WWP1: variants seen among roughly 807,000 people sequenced by gnomAD.
WWP1 encodes NEDD4-like E3 ubiquitin-protein ligase WWP1.
A neutral mutation model predicts 130.6 loss-of-function variants in WWP1; 49 were observed. The observed-to-expected ratio is 0.38, with a 90% CI of 0.30 to 0.48. WWP1 has a LOEUF of 0.48. Ranked by LOEUF, WWP1 falls within the 20% of genes least tolerant of loss-of-function variation. The pLI, the probability that WWP1 is intolerant of heterozygous loss-of-function variation, is 0.99. For missense variants in WWP1, 809 were observed against 1,100.6 expected (o/e 0.74, Z 3.75); for synonymous variants, 332 against 367.8 (o/e 0.90, Z 1.11).
chr8:86,452,251 A>G (rs1414007781), intron 20 of WWP1, among the ~76,000 whole-genome samples: 1 of 152,180 alleles, frequency 6.6e-6, no homozygotes, highest in Non-Finnish European at 1.5e-5. Context: ...AATTAGTGCT[A>G]GGATTTGGCT....
rs777490968 is a variant in WWP1, at chr8:86,435,614, ATAT to A, written c.1678-14_1678-12del. ...ATACTATAACTCAGATGATATTATG[ATAT>A]TATTTTTGTTTTTAGTCTAATGCAC... is the stretch of plus-strand genomic sequence containing the variant. On this transcript the variant is annotated splice_polypyrimidine_tract_variant and intron_variant, in intron 15 of 24. Coordinates refer to ENST00000517970, the MANE Select transcript of WWP1 (RefSeq NM_007013.4). 2 of 1,612,430 alleles carry A rather than the reference ATAT, an allele frequency of 1.2e-6. No homozygotes were observed. Among genetic ancestry groups the A allele is most frequent in the Admixed American group, 3.3e-5 (2 of 59,952 alleles).
At chr8:86,427,043 A>G (rs1451551908) in intron 10 of WWP1, among the ~76,000 whole-genome samples, 2 of 152,036 alleles carry the variant, frequency 1.3e-5, no homozygotes, top group Non-Finnish European at 2.9e-5. Flanking sequence ...TGCGCCTGTA[A>G]TCCCAGCTAC....
intron 5 of WWP1, among the ~76,000 whole-genome samples, chr8:86,390,172 G>T (rs901536606): frequency 1.3e-5 from 2 of 151,964 alleles, no homozygotes; most frequent in South Asian, 4.2e-4. Flanking sequence ...CTTCCTAGAC[G>T]GGATGGCGGC....
intron 9 of WWP1, among the ~76,000 whole-genome samples, chr8:86,414,510 C>T (rs1476581833): frequency 6.6e-6 from 1 of 152,168 alleles, no homozygotes; most frequent in Non-Finnish European, 1.5e-5. Flanking sequence ...ATACACAGCA[C>T]CAGGCTGTGT....
chr8:86,445,949 GTCTTT>G (rs1191146847), intron 18 of WWP1, among the ~76,000 whole-genome samples: 5,464 of 108,242 alleles, frequency 0.05, 231 homozygotes, highest in Non-Finnish European at 0.081. Flanking sequence ...CTGCTTATAT[GTCTTT>G]TCTTTTCTTT....
At chr8:86,390,697 G>A (rs1447482997) in intron 5 of WWP1, among the ~76,000 whole-genome samples, 1 of 150,208 alleles carries the variant, frequency 6.7e-6, no homozygotes, top group Admixed American at 6.6e-5. Flanking sequence ...AGTGGGAGAC[G>A]AGAGGGAGAC....
At position 86,416,758 on chromosome 8, in the gene WWP1, G is replaced by A. The variant is rs116005312; in HGVS notation, c.1061+4884G>A. Among the ~76,000 whole-genome samples, 1,504 of 152,164 alleles carry A rather than the reference G, an allele frequency of 9.9e-3. 28 individuals carry two copies. The highest frequency in any genetic ancestry group is 0.035 in the African/African-American group (1,434 of 41,504). On this transcript the variant is annotated intron_variant, in intron 9 of 24. Transcript: ENST00000517970. ...AGAATTCTCATTAATCAGTAATTTG[G>A]TAATTTGCACCTAGTTGAGGGGTGT...
At chr8:86,419,198 T>A (rs1809058529) in intron 9 of WWP1, among the ~76,000 whole-genome samples, 1 of 152,160 alleles carries the variant, frequency 6.6e-6, no homozygotes, top group Admixed American at 6.5e-5. Flanking sequence ...GGCACGCAGA[T>A]CACTTGGTCA....
chr8:86,458,508 G>A (rs769502810), intron 22 of WWP1, among the ~76,000 whole-genome samples: 40 of 152,068 alleles, frequency 2.6e-4, no homozygotes, highest in South Asian at 4.2e-4. Flanking sequence ...ACTATAATAG[G>A]ATGGTCTCAG....
intron 11 of WWP1, among the ~76,000 whole-genome samples, chr8:86,429,037 CAG>C (rs1306322013): frequency 1.3e-5 from 2 of 152,144 alleles, no homozygotes; most frequent in Non-Finnish European, 2.9e-5. Flanking sequence ...TGCATTGACT[CAG>C]TAGTGTCATC....
chr8:86,421,640 C>T (rs1032045443), intron 9 of WWP1, among the ~76,000 whole-genome samples: 1 of 151,846 alleles, frequency 6.6e-6, no homozygotes, highest in Non-Finnish European at 1.5e-5. Flanking sequence ...CTGGCTAACA[C>T]GGTGAAACCC....
At chr8:86,429,825 G>T (rs1190976704) in intron 11 of WWP1, among the ~76,000 whole-genome samples, 2 of 152,152 alleles carry the variant, frequency 1.3e-5, no homozygotes, top group Non-Finnish European at 2.9e-5. Context: ...ATTGATGCCA[G>T]TGTATTATTT....
chr8:86,431,665 G>A lies in WWP1; in HGVS notation c.1523G>A (p.Arg508His), dbSNP rs61761628. 4.3e-6 allele frequency: 7 copies of A among 1,613,928 alleles called. No homozygotes were observed. Among genetic ancestry groups the A allele is most frequent in the South Asian group, 2.2e-5 (2 of 91,076 alleles). The change falls in exon 14 of 25, where the codon CGT becomes CAT. Residue 508 changes from arginine to histidine, a missense_variant. Physicochemically the swap from Arg to His is conservative, Grantham distance 29. Coordinates refer to ENST00000517970, the MANE Select transcript of WWP1 (RefSeq NM_007013.4). ...GAAGGCTGGGAAATTAGATATACTC[G>A]TGAAGGTGTAAGGTACTTTGTTGAT... The part of the protein sequence containing the change: ...LPEGWEIRYT[R>H]EGVRYFVDHN...
At chr8:86,418,464 T>C (rs1485029474) in intron 9 of WWP1, among the ~76,000 whole-genome samples, 1 of 152,118 alleles carries the variant, frequency 6.6e-6, no homozygotes, top group Non-Finnish European at 1.5e-5. Context: ...GCCATCAAGC[T>C]GTTGGTGGGG....
chr8:86,400,830 G>A (rs1295524203), intron 7 of WWP1, among the ~76,000 whole-genome samples: 1 of 152,152 alleles, frequency 6.6e-6, no homozygotes, highest in African/African-American at 2.4e-5. Context: ...ATGGGATAAA[G>A]GTGTGGCTGA....
chr8:86,458,516 C>T (rs2130068576), intron 22 of WWP1, among the ~76,000 whole-genome samples: 1 of 152,190 alleles, frequency 6.6e-6, no homozygotes, highest in East Asian at 1.9e-4. Flanking sequence ...AGGATGGTCT[C>T]AGGAATCCAA....
At chr8:86,465,311 A>C (rs1490021510) in intron 24 of WWP1, among the ~76,000 whole-genome samples, 1 of 142,256 alleles carries the variant, frequency 7.0e-6, no homozygotes, top group Non-Finnish European at 1.5e-5. Flanking sequence ...TCTTTTTAGC[A>C]AAAAGTAAAA....
chr8:86,436,817 A>C (rs1035902443), intron 16 of WWP1, among the ~76,000 whole-genome samples: 1 of 152,204 alleles, frequency 6.6e-6, no homozygotes, highest in East Asian at 1.9e-4. Context: ...GTACTCAGGC[A>C]TACAGGGACT....
At chr8:86,394,757 A>T (rs1419424434) in intron 5 of WWP1, among the ~76,000 whole-genome samples, 3 of 152,082 alleles carry the variant, frequency 2.0e-5, no homozygotes, top group African/African-American at 7.2e-5. Context: ...GGAATTATTT[A>T]TGTGATTGTC....
Sources: allele counts gnomAD v4.1 joint callset (sites outside exome capture counted in the v4.1 genomes callset), GRCh38; gene constraint gnomAD v4.1.1; transcripts MANE v1.5; gene names NCBI Gene and HGNC (gene_info 2026-07-23, HGNC 2026-07-21).